COG1: variants seen among roughly 807,000 people sequenced by gnomAD.
COG1 encodes the protein conserved oligomeric Golgi complex subunit 1.
In COG1, 61 loss-of-function variants were observed where a neutral mutation model predicts 102.2. That is an observed-to-expected ratio of 0.60 (90% CI 0.49 to 0.74). The LOEUF is 0.74. Among genes scored for constraint, COG1 ranks in the 30% least tolerant of loss-of-function variants. COG1 has a pLI of 0.00. For synonymous variants in COG1, 454 were observed against 493.6 expected (o/e 0.92, Z 1.06); for missense variants, 1,164 against 1,232.1 (o/e 0.94, Z 0.83).
intron 5 of COG1, 121 bp downstream of exon 5, chr17:73,200,142 A>G: frequency 8.3e-7 from 1 of 1,203,736 alleles, no homozygotes; most frequent in Non-Finnish European, 1.2e-6. Flanking sequence ...CGTGCTGCCC[A>G]TCAGCCAGCC....
At chr17:73,207,661 A>G (rs766008289) in intron 13 of COG1, 3 of 1,295,214 alleles carry the variant, frequency 2.3e-6, no homozygotes, top group East Asian at 5.4e-5. Flanking sequence ...TTGTTTCCCC[A>G]AAAGTTTGAC....
At chr17:73,204,136 C>T (rs1163131445) in intron 9 of COG1, among the ~76,000 whole-genome samples, 1 of 152,162 alleles carries the variant, frequency 6.6e-6, no homozygotes, top group African/African-American at 2.4e-5. Context: ...TGCACTCCAG[C>T]CTGGGCGACA....
At chr17:73,200,494 CTGA>C (rs1271089069) in intron 5 of COG1, 69 bp from the exon 6 acceptor site, 1 of 1,238,300 alleles carries the variant, frequency 8.1e-7, no homozygotes, top group Non-Finnish European at 1.2e-6. Context: ...AAATGGGATT[CTGA>C]TGTTTTTCTT....
Position 73,201,707 on chromosome 17 carries a change from A to G in COG1, c.1880A>G (p.His627Arg), listed in dbSNP as rs988182591. 1.2e-6 allele frequency: 2 copies of G among 1,614,104 alleles called. No individual in the cohort carries two copies. The highest frequency in any genetic ancestry group is 2.7e-5 in the African/African-American group (2 of 74,944). Residue 627 changes from histidine to arginine, a missense_variant, in exon 7 of 14, where the codon CAT becomes CGT. Coordinates refer to ENST00000299886, the MANE Select transcript of COG1 (RefSeq NM_018714.3). ...CAGTCCCTGGGAGAGCTGTGCCCCC[A>G]TCTGAAGCAGTGCATCCTGGGAAAA... The part of the protein sequence containing the change: ...LCQSLGELCP[H>R]LKQCILGKSE...
chr17:73,196,494 C>T lies in COG1; in HGVS notation c.316-13C>T. ...TTCGTTCTTCTGGTTTAGTTCTGTG[C>T]CTTCCCCTGCAGCCACAGCAGCCAT... On this transcript the variant is annotated splice_polypyrimidine_tract_variant and intron_variant, in intron 1 of 13. Transcript: ENST00000299886. The T allele has an allele frequency of 4.3e-6, 7 of 1,614,110 alleles. No homozygotes were observed. Among genetic ancestry groups the T allele is most frequent in the African/African-American group, 1.3e-5 (1 of 75,038 alleles).
chr17:73,203,774 C>A lies in COG1; in HGVS notation c.2363C>A (p.Ser788Tyr). 6.2e-7 allele frequency: 1 copy of A among 1,614,160 alleles called. No individual in the cohort carries two copies. The highest frequency in any genetic ancestry group is 1.1e-5 in the South Asian group (1 of 91,084). Residue 788 changes from serine to tyrosine, a missense_variant, in exon 9 of 14, where the codon TCC (serine) becomes TAC (tyrosine). Coordinates refer to ENST00000299886, the MANE Select transcript of COG1 (RefSeq NM_018714.3). ...GTAGTAGCTGCCTATGAGAAACTCT[C>A]CGAAGAAAAACAGATTAAGGTAGGT... is the stretch of plus-strand genomic sequence containing the variant. ...VQVVAAYEKL[S>Y]EEKQIKKEGA... is the part of the protein sequence containing the mutation.
intron 4 of COG1, 131 bp downstream of exon 4, chr17:73,197,527 TTCA>T: frequency 2.1e-6 from 2 of 931,124 alleles, no homozygotes; most frequent in Non-Finnish European, 3.4e-6. Context: ...AGGCCCTTCC[TTCA>T]TCGAGGCCAC....
In COG1 at chr17:73,199,986, A is replaced by G. The variant is rs199576608; in HGVS notation, c.1035A>G (p.Glu345=). Residue 345 remains glutamate, a synonymous_variant, in exon 5 of 14, where the codon GAA becomes GAG. Transcript: ENST00000299886. Reference sequence around the variant, plus strand: ...CCCTTGCACATCCCATCAGTCAGGAATACCTGAAAGACACGCTGCAGAAAT... The same window carrying G: ...CCCTTGCACATCCCATCAGTCAGGAGTACCTGAAAGACACGCTGCAGAAAT... ...LRTLAHPISQ[E]YLKDTLQKWI... is the part of the protein sequence containing the mutation. 187 of 1,614,004 alleles carry G rather than the reference A, an allele frequency of 1.2e-4. 1 individual carries two copies. The South Asian group carries it at 1.7e-3, about 15-fold the overall frequency.
At chr17:73,200,976 T>C in intron 6 of COG1, 133 bp from the exon 7 acceptor site, 1 of 956,924 alleles carries the variant, frequency 1.0e-6, no homozygotes, top group Non-Finnish European at 1.6e-6. Flanking sequence ...GGCTTTATTC[T>C]CTGCCAACAC....
chr17:73,205,588 G>A lies in COG1; in HGVS notation c.2418G>A (p.Ala806=), dbSNP rs141305065. The A allele has an allele frequency of 1.5e-4, 244 of 1,614,160 alleles. 1 individual carries two copies. Among genetic ancestry groups the A allele is most frequent in the African/African-American group, 1.3e-3 (101 of 75,036 alleles). Residue 806 remains alanine, a synonymous_variant, in exon 10 of 14, where the codon GCG becomes GCA. Transcript: ENST00000299886. ...CATTTCCAGTCACCCAGAACCGGGC[G>A]CTGCAGCTGCTTTATGATCTGCGTT... The part of the protein sequence containing the change: ...EGAFPVTQNR[A]LQLLYDLRYL...
intron 13 of COG1, chr17:73,208,101 T>C (rs934010560): frequency 2.5e-5 from 36 of 1,447,864 alleles, no homozygotes; most frequent in Non-Finnish European, 3.1e-5. Context: ...AAGACAGTCC[T>C]CATTTCCAAA....
In COG1 at chr17:73,203,424, G is replaced by A. The variant is rs541144159; in HGVS notation, c.2221-208G>A. 6 of 717,022 alleles carry A rather than the reference G, an allele frequency of 8.4e-6. No homozygotes were observed. In the East Asian group the frequency reaches 1.1e-4, roughly 13 times the overall value. 44.4% of individuals were successfully genotyped at this position (717,022 alleles called of 1,614,324 possible). A position where few individuals can be genotyped will look rare whatever the true frequency, so the allele number is the denominator to read the frequency against. ...CAGCATAAAACACAGGCACCTCTTC[G>A]AGATCAGCCTCAGACCGTGGAGGCA... On this transcript the variant is annotated intron_variant, in intron 8 of 13. Coordinates refer to ENST00000299886, the MANE Select transcript of COG1 (RefSeq NM_018714.3).
Position 73,201,208 on chromosome 17 carries a change from T to C in COG1, c.1381T>C (p.Ser461Pro). Residue 461 changes from serine (S) to proline (P), a missense_variant, in exon 7 of 14, where the codon TCA (serine) becomes CCA (proline). Ser to Pro is a moderately conservative substitution (Grantham distance 74). Transcript: ENST00000299886. The stretch of plus-strand genomic sequence containing the variant: ...TGAAAGCAGCACCAGCAACTCCCCT[T>C]CAAATAAGCACATCCACTTTGAGTA... The part of the protein sequence containing the change: ...ELESSTSNSP[S>P]NKHIHFEYNM... 6.2e-7 allele frequency: 1 copy of C among 1,614,178 alleles called. No homozygotes were observed. Among genetic ancestry groups the C allele is most frequent in the Non-Finnish European group, 8.5e-7 (1 of 1,180,018 alleles).
intron 13 of COG1, chr17:73,207,744 T>G: frequency 7.7e-7 from 1 of 1,291,490 alleles, no homozygotes; most frequent in South Asian, 1.2e-5. Context: ...TCCTGGGTAT[T>G]TCTGAATTGT....
At chr17:73,200,130 G>T in intron 5 of COG1, 109 bp downstream of exon 5, 1 of 1,331,044 alleles carries the variant, frequency 7.5e-7, no homozygotes, top group South Asian at 1.3e-5. Context: ...TGTCCTGGAT[G>T]GCGTGCTGCC....
rs1260759891 is a variant in COG1 at position 73,201,319 on chromosome 17, T to G, written c.1492T>G (p.Phe498Val). The G allele has an allele frequency of 6.2e-7, 1 of 1,614,114 alleles. No homozygotes were observed. The highest frequency in any genetic ancestry group is 1.7e-5 in the Admixed American group (1 of 60,006). ...GGTCAGCGTGGCAAACCGGGGTCAG[T>G]TTGCCAGTAGCGGCCTCTCCATGAA... ...AWVSVANRGQFASSGLSMKAQ... is the reference protein window; with the variant it reads ...AWVSVANRGQVASSGLSMKAQ... Residue 498 changes from phenylalanine to valine, a missense_variant, in exon 7 of 14, where the codon TTT becomes GTT. Coordinates refer to ENST00000299886, the MANE Select transcript of COG1 (RefSeq NM_018714.3).
chr17:73,205,663 G>A lies in COG1; in HGVS notation c.2493G>A (p.Arg831=), dbSNP rs1022530525. The A allele has an allele frequency of 1.9e-5, 31 of 1,613,840 alleles. No individual in the cohort carries two copies. Among genetic ancestry groups the A allele is most frequent in the Middle Eastern group, 3.4e-4 (2 of 5,828 alleles). Residue 831 remains arginine, a synonymous_variant, in exon 10 of 14, where the codon CGG becomes CGA. Transcript: ENST00000299886. ...TAKGDEVKSG[R]SKPDSRIEKV... ...AGGGTGACGAGGTGAAGAGTGGCCG[G>A]AGCAAGCCAGACTCCAGGTGTCGTA...
At chr17:73,198,271 G>C (rs2061333317) in intron 4 of COG1, among the ~76,000 whole-genome samples, 1 of 152,198 alleles carries the variant, frequency 6.6e-6, no homozygotes, top group Non-Finnish European at 1.5e-5. Flanking sequence ...ACCAAGTTAA[G>C]TAGAAATGGA....
At chr17:73,202,853 T>G (rs2061352712) in intron 7 of COG1, 147 bp from the exon 8 acceptor site, 2 of 844,886 alleles carry the variant, frequency 2.4e-6, no homozygotes, top group South Asian at 2.7e-5. Context: ...GCTGATATCA[T>G]TGATAATTAG....
Sources: allele counts gnomAD v4.1 joint callset (sites outside exome capture counted in the v4.1 genomes callset), GRCh38; gene constraint gnomAD v4.1.1; transcripts MANE v1.5; gene names NCBI Gene and HGNC (gene_info 2026-07-23, HGNC 2026-07-21).